The following ARHGEF26 variants were observed in gnomAD, a reference collection of about 807,000 sequenced individuals.
ARHGEF26 encodes Rho guanine nucleotide exchange factor 26.
ARHGEF26 carries 59 observed loss-of-function variants against 89.4 expected under a neutral mutation model. That is an observed-to-expected ratio of 0.66 (90% CI 0.54 to 0.82). ARHGEF26 has a LOEUF of 0.82. ARHGEF26 is among the 40% of genes least tolerant of loss of function. ARHGEF26 has a pLI of 0.00. For synonymous variants in ARHGEF26, 500 were observed against 428.4 expected (o/e 1.17, Z -2.06); for missense variants, 1,234 against 1,085.6 (o/e 1.14, Z -1.92).
At chr3:154,225,155 A>G (rs905316964) in intron 10 of ARHGEF26, among the ~76,000 whole-genome samples, 4 of 152,156 alleles carry the variant, frequency 2.6e-5, no homozygotes, top group South Asian at 2.1e-4. Context: ...AAAAAGCAGT[A>G]TGTAATTTTT....
At chr3:154,148,165 G>A (rs1415362656) in intron 4 of ARHGEF26, among the ~76,000 whole-genome samples, 1 of 152,198 alleles carries the variant, frequency 6.6e-6, no homozygotes. Context: ...AGGCCCAGGA[G>A]CAGCGGCCTG....
At chr3:154,230,996 C>G (rs904030570) in intron 11 of ARHGEF26, among the ~76,000 whole-genome samples, 4 of 152,046 alleles carry the variant, frequency 2.6e-5, no homozygotes, top group African/African-American at 9.7e-5. Flanking sequence ...ATGCTCTTTC[C>G]TATTATAGAA....
At chr3:154,187,659 A>T in intron 6 of ARHGEF26, 26 bp from the exon 7 acceptor site, 2 of 1,556,978 alleles carry the variant, frequency 1.3e-6, no homozygotes, top group South Asian at 1.2e-5. Flanking sequence ...AGAAGTGTTA[A>T]TTTTTTTTTC....
chr3:154,204,628 C>T (rs920621479), intron 9 of ARHGEF26, among the ~76,000 whole-genome samples: 1 of 152,052 alleles, frequency 6.6e-6, no homozygotes, highest in African/African-American at 2.4e-5. Flanking sequence ...CTGTACCCAG[C>T]CTTTTCCTCT....
rs187929761 is a variant in ARHGEF26, at chr3:154,183,403, T to C, written c.1488-4282T>C. 5.3e-3 allele frequency among the ~76,000 whole-genome samples: 812 copies of C among 152,310 alleles called. 4 individuals carry two copies. The highest frequency in any genetic ancestry group is 6.1e-3 in the Non-Finnish European group (416 of 68,020). ...TGGAAGTATTATCCCCGAAAAAAATTCATAGAACTTAAATACGTATTTCCA... is the reference window on the plus strand; with the variant it reads ...TGGAAGTATTATCCCCGAAAAAAATCCATAGAACTTAAATACGTATTTCCA... On this transcript the variant is annotated intron_variant, in intron 6 of 14. Coordinates refer to ENST00000465093, the MANE Select transcript of ARHGEF26 (RefSeq NM_015595.4).
intron 11 of ARHGEF26, among the ~76,000 whole-genome samples, chr3:154,234,906 C>T (rs931364458): frequency 9.9e-5 from 15 of 152,174 alleles, no homozygotes; most frequent in Admixed American, 3.9e-4. Flanking sequence ...GCTGGGACTA[C>T]AGGCGCTCAC....
chr3:154,256,214 A>G lies in ARHGEF26; in HGVS notation c.*741A>G. 1.0e-6 allele frequency: 1 copy of G among 985,676 alleles called. No homozygotes were observed. The highest frequency in any genetic ancestry group is 4.7e-5 in the South Asian group (1 of 21,288). 61.1% of individuals were successfully genotyped at this position (985,676 alleles called of 1,614,324 possible). On this transcript the variant is annotated 3_prime_UTR_variant, in exon 15 of 15. Coordinates refer to ENST00000465093, the MANE Select transcript of ARHGEF26 (RefSeq NM_015595.4). ...TTTAGATGGGTTCATATATGTGAGA[A>G]AAACCTGAATATAGGACAGGGGTCC...
At chr3:154,153,247 C>T (rs1225160096) in intron 6 of ARHGEF26, among the ~76,000 whole-genome samples, 1 of 152,024 alleles carries the variant, frequency 6.6e-6, no homozygotes, top group East Asian at 1.9e-4. Context: ...TCATCCATTT[C>T]AGTAAAGAAA....
chr3:154,228,741 GA>G (rs5853688), intron 11 of ARHGEF26, among the ~76,000 whole-genome samples: 138,916 of 152,150 alleles, frequency 0.91, 63,660 homozygotes, highest in East Asian at 1. Flanking sequence ...TCAAGGAGGC[GA>G]ACTGCAAATG....
At chr3:154,235,165 C>T (rs1717046078) in intron 11 of ARHGEF26, among the ~76,000 whole-genome samples, 1 of 151,944 alleles carries the variant, frequency 6.6e-6, no homozygotes, top group African/African-American at 2.4e-5. Flanking sequence ...TCAAAAAACC[C>T]TTGCTTGTGT....
chr3:154,255,727 C>T lies in ARHGEF26; in HGVS notation c.*254C>T. The T allele has an allele frequency of 7.8e-7, 1 of 1,278,218 alleles. No homozygotes were observed. Among genetic ancestry groups the T allele is most frequent in the Non-Finnish European group, 9.9e-7 (1 of 1,015,078 alleles). 79.2% of individuals were successfully genotyped at this position (1,278,218 alleles called of 1,614,324 possible). ...GTACACAGAATAGCTGAGCAGTTCA[C>T]TTCAGGGATCAGGTCATCTCTGCTC... On this transcript the variant is annotated 3_prime_UTR_variant, in exon 15 of 15. Coordinates refer to ENST00000465093, the MANE Select transcript of ARHGEF26 (RefSeq NM_015595.4).
intron 12 of ARHGEF26, among the ~76,000 whole-genome samples, chr3:154,245,091 G>A (rs756308659): frequency 7.2e-5 from 11 of 152,170 alleles, no homozygotes; most frequent in Non-Finnish European, 1.3e-4. Flanking sequence ...GCAGTGGCAC[G>A]ATCTCGGCTC....
chr3:154,131,245 G>A (rs1293057426), intron 4 of ARHGEF26, among the ~76,000 whole-genome samples: 1 of 152,168 alleles, frequency 6.6e-6, no homozygotes, highest in African/African-American at 2.4e-5. Flanking sequence ...CTCAAACCAG[G>A]TGAGTGCAGG....
intron 9 of ARHGEF26, 33 bp from the exon 10 acceptor site, chr3:154,217,836 C>T: frequency 1.3e-6 from 2 of 1,531,400 alleles, no homozygotes; most frequent in Non-Finnish European, 1.8e-6. Flanking sequence ...CTCTCCTTGA[C>T]CTTTAACCCT....
chr3:154,149,427 G>A lies in ARHGEF26; in HGVS notation c.1308G>A (p.Glu436=), dbSNP rs1001994472. Residue 436 remains glutamate (E), a synonymous_variant, in exon 5 of 15, where the codon GAG becomes GAA. Coordinates refer to ENST00000465093, the MANE Select transcript of ARHGEF26 (RefSeq NM_015595.4). ...GATTATCTCAGACAGTAAGCCAGGA[G>A]GAAAGAAAGAGACAAGAGGTATGTT... ...RKGLSQTVSQ[E]ERKRQEAIFE... The A allele has an allele frequency of 1.9e-6, 3 of 1,608,678 alleles. No individual in the cohort carries two copies. The highest frequency in any genetic ancestry group is 2.5e-6 in the Non-Finnish European group (3 of 1,177,256).
intron 11 of ARHGEF26, among the ~76,000 whole-genome samples, chr3:154,229,980 A>T (rs954076184): frequency 2.6e-5 from 4 of 152,210 alleles, no homozygotes; most frequent in African/African-American, 9.6e-5. Flanking sequence ...TACAGACTGT[A>T]CCTTCATGTA....
In ARHGEF26 at chr3:154,212,331, G is replaced by A. The variant is rs1413402347; in HGVS notation, c.1846-5538G>A. ...TACTACAACCTGGGCGACAGAGCAAGACCCTGTCTCAAAAAAAAAAAAAAG... is the reference window on the plus strand; with the variant it reads ...TACTACAACCTGGGCGACAGAGCAAAACCCTGTCTCAAAAAAAAAAAAAAG... On this transcript the variant is annotated intron_variant, in intron 9 of 14. Coordinates refer to ENST00000465093, the MANE Select transcript of ARHGEF26 (RefSeq NM_015595.4). Among the ~76,000 whole-genome samples, 70 of 105,286 alleles carry A rather than the reference G, an allele frequency of 6.6e-4. 1 individual carries two copies. The highest frequency in any genetic ancestry group is 4.6e-3 in the Admixed American group (40 of 8,632). The allele number at this position is 105,286 out of a possible 152,430, so 69.1% of individuals were successfully genotyped here. A position where few individuals can be genotyped will look rare whatever the true frequency, so the allele number is the denominator to read the frequency against.
intron 12 of ARHGEF26, among the ~76,000 whole-genome samples, chr3:154,241,660 CT>C (rs1294980940): frequency 1.3e-5 from 2 of 152,212 alleles, no homozygotes; most frequent in Non-Finnish European, 2.9e-5. Flanking sequence ...TTGGGCTCAA[CT>C]TCCAACACAG....
At chr3:154,173,624 T>G (rs1257154521) in intron 6 of ARHGEF26, among the ~76,000 whole-genome samples, 4 of 152,232 alleles carry the variant, frequency 2.6e-5, no homozygotes, top group African/African-American at 9.6e-5. Flanking sequence ...TGGCATTCTC[T>G]TCCCTCTTTA....
Sources: allele counts gnomAD v4.1 joint callset (sites outside exome capture counted in the v4.1 genomes callset), GRCh38; gene constraint gnomAD v4.1.1; transcripts MANE v1.5; gene names NCBI Gene and HGNC (gene_info 2026-07-23, HGNC 2026-07-21).